The following AUTS2 variants were observed in gnomAD, a reference collection of about 807,000 sequenced individuals.
AUTS2 encodes autism susceptibility gene 2 protein.
Under a neutral mutation model 112.4 loss-of-function variants are expected in AUTS2, and 17 were observed. The observed-to-expected ratio is 0.15, with a 90% CI of 0.10 to 0.23. The LOEUF (loss-of-function observed/expected upper bound fraction) is 0.23, where lower values mean the gene tolerates loss of function less well. Ranked by LOEUF, AUTS2 falls within the 10% of genes least tolerant of loss-of-function variation. AUTS2 has a pLI of 1.00. For synonymous variants in AUTS2, 751 were observed against 702.7 expected (o/e 1.07, Z -1.09); for missense variants, 1,510 against 1,701.6 (o/e 0.89, Z 1.98).
At chr7:69,934,337 G>A (rs1182200932) in intron 2 of AUTS2, among the ~76,000 whole-genome samples, 1 of 152,182 alleles carries the variant, frequency 6.6e-6, no homozygotes, top group Non-Finnish European at 1.5e-5. Context: ...CACAGCATGT[G>A]TATAGCAGTC....
chr7:69,618,473 A>G (rs1056338118), intron 1 of AUTS2, among the ~76,000 whole-genome samples: 2 of 152,100 alleles, frequency 1.3e-5, no homozygotes, highest in Admixed American at 1.3e-4. Context: ...AGAGTGTGTT[A>G]CGGAATACAG....
Position 70,277,371 on chromosome 7 carries a change from AG to A in AUTS2, c.660+142803del, listed in dbSNP as rs1156545479. 3.9e-5 allele frequency among the ~76,000 whole-genome samples: 6 copies of A among 152,344 alleles called. No individual in the cohort carries two copies. In the South Asian group the frequency reaches 6.2e-4, roughly 16 times the overall value. On this transcript the variant is annotated intron_variant, in intron 4 of 18. Coordinates refer to ENST00000342771, the MANE Select transcript of AUTS2 (RefSeq NM_015570.4). The stretch of plus-strand genomic sequence containing the variant: ...TGGACTTTCCCCAAGAAACCTGGCA[AG>A]GGAGTGATCAGGAGTGTTAATACTG...
chr7:70,547,362 C>A (rs565068198), intron 5 of AUTS2, among the ~76,000 whole-genome samples: 1 of 152,324 alleles, frequency 6.6e-6, no homozygotes, highest in Non-Finnish European at 1.5e-5. Flanking sequence ...TCAAGCGATT[C>A]TCCTGTTTCA....
intron 1 of AUTS2, among the ~76,000 whole-genome samples, chr7:69,780,669 A>G (rs1403569544): frequency 3.3e-5 from 5 of 152,194 alleles, no homozygotes; most frequent in Admixed American, 2.6e-4. Flanking sequence ...ACCTGAAAGG[A>G]TGGTCTGTAT....
chr7:70,539,766 T>TA (rs1800470461), intron 5 of AUTS2, among the ~76,000 whole-genome samples: 1 of 152,168 alleles, frequency 6.6e-6, no homozygotes, highest in African/African-American at 2.4e-5. Flanking sequence ...CAGCAATTTT[T>TA]AAAATCCTGC....
At chr7:70,041,835 A>C (rs1801261842) in intron 2 of AUTS2, among the ~76,000 whole-genome samples, 1 of 152,202 alleles carries the variant, frequency 6.6e-6, no homozygotes, top group African/African-American at 2.4e-5. Flanking sequence ...TAATATTTTC[A>C]TTCCCAGATA....
chr7:69,806,777 C>G (rs1790327226), intron 1 of AUTS2, among the ~76,000 whole-genome samples: 2 of 152,186 alleles, frequency 1.3e-5, no homozygotes, highest in South Asian at 4.1e-4. Context: ...AGAGCCTTGC[C>G]TTTAGCCATC....
At chr7:70,765,445 G>A (rs1216281818) in intron 8 of AUTS2, among the ~76,000 whole-genome samples, 1 of 152,054 alleles carries the variant, frequency 6.6e-6, no homozygotes, top group Non-Finnish European at 1.5e-5. Context: ...GTCTCCTTGG[G>A]AGGAGATGAC....
intron 2 of AUTS2, among the ~76,000 whole-genome samples, chr7:70,057,107 C>T (rs1584650041): frequency 1.3e-5 from 2 of 152,240 alleles, no homozygotes; most frequent in Admixed American, 1.3e-4. Context: ...GCTCTTTGGG[C>T]TGATATTGTG....
At chr7:69,605,515 T>C (rs1792671659) in intron 1 of AUTS2, among the ~76,000 whole-genome samples, 1 of 152,246 alleles carries the variant, frequency 6.6e-6, no homozygotes, top group African/African-American at 2.4e-5. Flanking sequence ...GCCAATGTTT[T>C]ATCCTCTTTG....
chr7:70,142,664 T>C (rs1355686166), intron 4 of AUTS2, among the ~76,000 whole-genome samples: 1 of 152,216 alleles, frequency 6.6e-6, no homozygotes, highest in Non-Finnish European at 1.5e-5. Context: ...TGGCTTAGCC[T>C]GTTCCATAGC....
intron 5 of AUTS2, among the ~76,000 whole-genome samples, chr7:70,689,937 C>G (rs1406034047): frequency 1.3e-5 from 2 of 152,178 alleles, no homozygotes; most frequent in African/African-American, 4.8e-5. Flanking sequence ...AGGCTATGGC[C>G]ATTGTGGCCC....
At chr7:69,802,191 G>A (rs760432780) in intron 1 of AUTS2, among the ~76,000 whole-genome samples, 2 of 152,202 alleles carry the variant, frequency 1.3e-5, no homozygotes, top group African/African-American at 4.8e-5. Flanking sequence ...GCCTGAAGAC[G>A]TATGTTAAGG....
rs144627461 is a variant in AUTS2 at position 70,128,709 on chromosome 7, C to G, written c.625-5827C>G. On this transcript the variant is annotated intron_variant, in intron 3 of 18. Transcript: ENST00000342771. ...CTGGGTGTTGTATTAATTTCCTGGGCTGCTTTAATGAATGACCACAAACTG... is the reference window on the plus strand; with the variant it reads ...CTGGGTGTTGTATTAATTTCCTGGGGTGCTTTAATGAATGACCACAAACTG... Among the ~76,000 whole-genome samples the G allele has an allele frequency of 2.1e-3, 320 of 152,342 alleles. 1 individual carries two copies. Among genetic ancestry groups the G allele is most frequent in the African/African-American group, 7.1e-3 (296 of 41,576 alleles).
At chr7:70,098,410 C>G (rs1251280203) in intron 2 of AUTS2, among the ~76,000 whole-genome samples, 7 of 152,248 alleles carry the variant, frequency 4.6e-5, no homozygotes, top group African/African-American at 1.7e-4. Context: ...GCTGCCCTTG[C>G]GGGGCTGGGA....
intron 2 of AUTS2, among the ~76,000 whole-genome samples, chr7:70,111,131 G>T (rs1195470742): frequency 6.6e-6 from 1 of 151,594 alleles, no homozygotes; most frequent in African/African-American, 2.4e-5. Flanking sequence ...CGCCCGCCTC[G>T]GCCTCCCAAA....
intron 5 of AUTS2, among the ~76,000 whole-genome samples, chr7:70,696,790 G>A (rs577271841): frequency 7.2e-5 from 11 of 152,084 alleles, no homozygotes; most frequent in Admixed American, 5.2e-4. Context: ...CATTTCTTGG[G>A]GCCAATTAGA....
intron 1 of AUTS2, among the ~76,000 whole-genome samples, chr7:69,711,557 G>T (rs1471034775): frequency 1.3e-5 from 2 of 152,130 alleles, no homozygotes; most frequent in East Asian, 3.8e-4. Flanking sequence ...TATTAGTATA[G>T]AATAAATTCA....
intron 2 of AUTS2, among the ~76,000 whole-genome samples, chr7:70,075,324 C>T (rs940666260): frequency 9.2e-5 from 14 of 151,854 alleles, no homozygotes; most frequent in Non-Finnish European, 1.8e-4. Context: ...TTTTAGACTC[C>T]GTGGGAAGGA....
Sources: allele counts gnomAD v4.1 joint callset (sites outside exome capture counted in the v4.1 genomes callset), GRCh38; gene constraint gnomAD v4.1.1; transcripts MANE v1.5; gene names NCBI Gene and HGNC (gene_info 2026-07-23, HGNC 2026-07-21).